The following ANKRD55 variants were observed in gnomAD, a reference collection of about 807,000 sequenced individuals.
ANKRD55 encodes the protein ankyrin repeat domain 55.
In ANKRD55, 41 loss-of-function variants were observed where a neutral mutation model predicts 60.6. That is an observed-to-expected ratio of 0.68 (90% CI 0.53 to 0.88). The LOEUF is 0.88. Ranked by LOEUF, ANKRD55 falls within the 40% of genes least tolerant of loss-of-function variation. The probability of loss-of-function intolerance (pLI) is 0.00; values close to 1 mark genes in which losing one functional copy is unlikely to be tolerated. For synonymous variants in ANKRD55, 264 were observed against 290.3 expected (o/e 0.91, Z 0.92); for missense variants, 732 against 767.6 (o/e 0.95, Z 0.55).
At chr5:56,217,056 A>T (rs1038474092) in intron 2 of ANKRD55, among the ~76,000 whole-genome samples, 7 of 152,242 alleles carry the variant, frequency 4.6e-5, no homozygotes, top group Admixed American at 1.3e-4. Context: ...GTTAGGGGCT[A>T]ATGCAGCTGA....
intron 10 of ANKRD55, among the ~76,000 whole-genome samples, chr5:56,110,276 G>A (rs944192103): frequency 6.6e-5 from 10 of 151,398 alleles, no homozygotes; most frequent in African/African-American, 2.4e-5. Flanking sequence ...GTGCGCAACT[G>A]TAGTCCCAGC....
chr5:56,118,113 A>G (rs1481486066), intron 8 of ANKRD55, among the ~76,000 whole-genome samples: 1 of 152,152 alleles, frequency 6.6e-6, no homozygotes, highest in Non-Finnish European at 1.5e-5. Context: ...ACTGCACTCC[A>G]TCATGGGCGA....
chr5:56,231,374 GT>G (rs1760247621), intron 2 of ANKRD55, among the ~76,000 whole-genome samples: 1 of 152,198 alleles, frequency 6.6e-6, no homozygotes, highest in East Asian at 1.9e-4. Flanking sequence ...ACTGGAACAT[GT>G]AAATTCATTA....
intron 11 of ANKRD55, among the ~76,000 whole-genome samples, chr5:56,102,112 C>T (rs1344200975): frequency 6.6e-6 from 1 of 151,974 alleles, no homozygotes; most frequent in Non-Finnish European, 1.5e-5. Flanking sequence ...TAGGGCTGGG[C>T]GTGGTGGCTC....
intron 2 of ANKRD55, among the ~76,000 whole-genome samples, chr5:56,187,388 C>T (rs1017607123): frequency 2.0e-5 from 3 of 152,196 alleles, no homozygotes; most frequent in African/African-American, 7.2e-5. Flanking sequence ...GGACAATGAC[C>T]GGGATTTAAA....
rs544488357 is a variant in ANKRD55 at position 56,119,940 on chromosome 5, A to AAAACCTGTG, written c.798-3167_798-3159dup. 5.3e-5 allele frequency among the ~76,000 whole-genome samples: 8 copies of AAAACCTGTG among 152,212 alleles called. No homozygotes were observed. In the East Asian group the frequency reaches 1.4e-3, roughly 26 times the overall value. ...CTCAAAAAACAAAAACTAAACAAAC[A>AAAACCTGTG]AAACCTGTGTGTGTGTCTATATGCG... On this transcript the variant is annotated intron_variant, in intron 8 of 11. Transcript: ENST00000341048.
In ANKRD55 at chr5:56,111,770, A is replaced by C; in HGVS notation, c.978T>G (p.Thr326=). The change falls in exon 10 of 12, where the codon ACT becomes ACG. Residue 326 remains threonine (T), a synonymous_variant. Coordinates refer to ENST00000341048, the MANE Select transcript of ANKRD55 (RefSeq NM_024669.3). ...GACTGCTCTGGGAGGGAGGGGGTCGAGTAGGCTCTGTTCTATGCGAATATA... is the reference window on the plus strand; with the variant it reads ...GACTGCTCTGGGAGGGAGGGGGTCGCGTAGGCTCTGTTCTATGCGAATATA... The part of the protein sequence containing the change: ...LLSQESRTEP[T]RPPPSQSSRP... The C allele has an allele frequency of 6.6e-7, 1 of 1,512,394 alleles. No individual in the cohort carries two copies. Among genetic ancestry groups the C allele is most frequent in the East Asian group, 2.3e-5 (1 of 43,842 alleles). 93.7% of individuals were successfully genotyped at this position (1,512,394 alleles called of 1,614,324 possible).
At chr5:56,110,141 A>C (rs1170676376) in intron 10 of ANKRD55, among the ~76,000 whole-genome samples, 1 of 152,018 alleles carries the variant, frequency 6.6e-6, no homozygotes, top group East Asian at 1.9e-4. Context: ...TCATGCCTAT[A>C]ATCTCAGCAC....
intron 2 of ANKRD55, chr5:56,193,462 G>A (rs1759157966): frequency 4.0e-6 from 2 of 496,664 alleles, no homozygotes; most frequent in South Asian, 2.3e-5. Context: ...CGATCTTGCA[G>A]TTTCTTTTCA....
chr5:56,197,709 C>T (rs947036164), intron 2 of ANKRD55, among the ~76,000 whole-genome samples: 1 of 152,012 alleles, frequency 6.6e-6, no homozygotes, highest in Non-Finnish European at 1.5e-5. Flanking sequence ...CAATTTTTGT[C>T]GCAGTTTGTT....
chr5:56,127,590 G>C, intron 7 of ANKRD55: 1 of 985,204 alleles, frequency 1.0e-6, no homozygotes, highest in Non-Finnish European at 1.2e-6. Flanking sequence ...AGCTTGTTTC[G>C]GGGTAGGGCC....
intron 5 of ANKRD55, among the ~76,000 whole-genome samples, chr5:56,162,673 A>ATTT (rs67231449): frequency 0.011 from 1,661 of 148,390 alleles, 30 homozygotes; most frequent in African/African-American, 0.037. Context: ...TTTTTGGTCA[A>ATTT]TTTTTTTTTT....
chr5:56,147,032 C>A (rs1757917020), intron 6 of ANKRD55, among the ~76,000 whole-genome samples: 1 of 152,230 alleles, frequency 6.6e-6, no homozygotes, highest in South Asian at 2.1e-4. Context: ...CAAGAAACCC[C>A]CCCACAAAAC....
At chr5:56,168,836 A>G (rs1030369059) in intron 5 of ANKRD55, among the ~76,000 whole-genome samples, 1 of 152,190 alleles carries the variant, frequency 6.6e-6, no homozygotes, top group African/African-American at 2.4e-5. Flanking sequence ...ACCCCCCTAC[A>G]TTGGATGGTT....
intron 10 of ANKRD55, among the ~76,000 whole-genome samples, chr5:56,108,591 T>C (rs1756569527): frequency 6.6e-6 from 1 of 152,206 alleles, no homozygotes; most frequent in Non-Finnish European, 1.5e-5. Context: ...TAAATATGTA[T>C]ACAAATATGA....
At chr5:56,198,996 T>C (rs573507119) in intron 2 of ANKRD55, among the ~76,000 whole-genome samples, 4 of 151,932 alleles carry the variant, frequency 2.6e-5, no homozygotes, top group African/African-American at 7.2e-5. Flanking sequence ...AGGAGAATGG[T>C]GTGAAGCCGG....
chr5:56,109,104 A>G (rs919781172), intron 10 of ANKRD55, among the ~76,000 whole-genome samples: 2 of 151,110 alleles, frequency 1.3e-5, no homozygotes, highest in Admixed American at 6.6e-5. Context: ...AAAAACCCCC[A>G]TTGCTGTCTT....
At chr5:56,206,909 C>G (rs1020130549) in intron 2 of ANKRD55, among the ~76,000 whole-genome samples, 1 of 152,110 alleles carries the variant, frequency 6.6e-6, no homozygotes, top group African/African-American at 2.4e-5. Flanking sequence ...TAGTGTCTGC[C>G]GGGGTGGCAG....
intron 6 of ANKRD55, among the ~76,000 whole-genome samples, chr5:56,146,037 A>G (rs1432578539): frequency 1.3e-5 from 2 of 152,318 alleles, no homozygotes; most frequent in East Asian, 3.9e-4. Flanking sequence ...TATATTTTAA[A>G]AATAATGCAT....
Sources: gnomAD v4.1 joint callset for allele counts (sites outside exome capture counted in the v4.1 genomes callset) on GRCh38, gnomAD v4.1.1 for gene constraint, MANE v1.5 for transcripts, NCBI Gene and HGNC (gene_info 2026-07-23, HGNC 2026-07-21) for gene names.